Variants in ANKRD36C observed in about 807,000 individuals in gnomAD.
The protein encoded by ANKRD36C is ankyrin repeat domain-containing protein 36C.
A neutral mutation model predicts 276.4 loss-of-function variants in ANKRD36C; 61 were observed. The observed-to-expected ratio is 0.22, with a 90% confidence interval of 0.18 to 0.27. The LOEUF (loss-of-function observed/expected upper bound fraction) is 0.27. Ranked by LOEUF, ANKRD36C falls within the 10% of genes least tolerant of loss-of-function variation. The pLI, the probability that ANKRD36C is intolerant of heterozygous loss-of-function variation, is 1.00. For synonymous variants in ANKRD36C, 483 were observed against 680.1 expected (o/e 0.71, Z 4.51); for missense variants, 1,447 against 2,032.3 (o/e 0.71, Z 5.54).
intron 60 of ANKRD36C, among the ~76,000 whole-genome samples, chr2:95,863,688 T>C (rs1192142734): frequency 1.3e-5 from 2 of 151,952 alleles, no homozygotes; most frequent in East Asian, 1.9e-4. Context: ...TTCATGAAAA[T>C]ATGTGAAGGA....
At chr2:95,893,496 G>A (rs1412255405) in intron 44 of ANKRD36C, 37 bp downstream of exon 64, 12 of 1,535,094 alleles carry the variant, frequency 7.8e-6, no homozygotes, top group East Asian at 2.5e-5. Context: ...TTATCTATCT[G>A]GACTGAACAT....
At chr2:95,956,639 A>T in intron 13 of ANKRD36C, 147 bp downstream of exon 13, 1 of 915,256 alleles carries the variant, frequency 1.1e-6, no homozygotes, top group Non-Finnish European at 1.5e-6. Context: ...AATAGTTTGT[A>T]AAGCTGTGTG....
intron 44 of ANKRD36C, among the ~76,000 whole-genome samples, chr2:95,892,658 A>G (rs1381117394): frequency 6.6e-6 from 1 of 151,496 alleles, no homozygotes; most frequent in Non-Finnish European, 1.5e-5. Flanking sequence ...TTCACTATAA[A>G]TGACCATTTT....
rs367782708 is a variant in ANKRD36C, at chr2:95,972,450, C to T, written c.799+5672G>A. Among the ~76,000 whole-genome samples the T allele has an allele frequency of 9.0e-3, 1,366 of 152,316 alleles. 17 individuals carry two copies. Among genetic ancestry groups the T allele is most frequent in the Admixed American group, 0.022 (329 of 15,296 alleles). On this transcript the variant is annotated intron_variant, in intron 6 of 66. Transcript: ENST00000456556. ...ATCCTGGTAACTCCACAGGAGAGGG[C>T]TCCCGGAAGCTTGTGCCTGGCTTCC...
At chr2:95,923,777 T>C (rs1296801242) in intron 30 of ANKRD36C, 88 bp from the exon 31 acceptor site, 3 of 1,557,590 alleles carry the variant, frequency 1.9e-6, no homozygotes, top group Non-Finnish European at 2.6e-6. Flanking sequence ...TCAAGCTGTA[T>C]GCTCCTGCCT....
At chr2:95,961,589 G>C (rs921293328) in intron 8 of ANKRD36C, among the ~76,000 whole-genome samples, 2 of 152,016 alleles carry the variant, frequency 1.3e-5, no homozygotes, top group African/African-American at 4.8e-5. Flanking sequence ...TTATCCAAAA[G>C]TTAGTTCCTT....
At chr2:95,874,178 CT>C (rs1675886023) in intron 59 of ANKRD36C, among the ~76,000 whole-genome samples, 1 of 152,152 alleles carries the variant, frequency 6.6e-6, no homozygotes, top group South Asian at 2.1e-4. Flanking sequence ...GAAAAAACTG[CT>C]TTAAAGTTCA....
chr2:95,939,468 G>C (rs1461950905), intron 20 of ANKRD36C, among the ~76,000 whole-genome samples: 10 of 151,178 alleles, frequency 6.6e-5, no homozygotes, highest in African/African-American at 2.5e-4. Flanking sequence ...CACTTTGGGA[G>C]GCCGAGGCGG....
chr2:95,923,414 C>T (rs1238000269), intron 32 of ANKRD36C, 81 bp downstream of exon 32: 9 of 1,523,842 alleles, frequency 5.9e-6, no homozygotes, highest in Non-Finnish European at 8.0e-6. Flanking sequence ...CTTTGATGAG[C>T]CCCCCGCTGA....
chr2:95,944,050 T>C (rs908945659), intron 19 of ANKRD36C, among the ~76,000 whole-genome samples: 2 of 152,176 alleles, frequency 1.3e-5, no homozygotes, highest in African/African-American at 4.8e-5. Flanking sequence ...TTTCTTCCAA[T>C]ACTTTATTAA....
chr2:95,966,268 C>A (rs1271709837), intron 6 of ANKRD36C, among the ~76,000 whole-genome samples: 1 of 152,140 alleles, frequency 6.6e-6, no homozygotes, highest in Non-Finnish European at 1.5e-5. Flanking sequence ...ATGGTACTGC[C>A]TAGGTTTTCA....
rs767594517 is a variant in ANKRD36C at position 95,859,854 on chromosome 2, G to T, written c.3896+7C>A. The stretch of plus-strand genomic sequence containing the variant: ...AGTTCAAACATTTATTTAAAACTAG[G>T]TCATACCTCAAACTACAGAGTTCTT... On this transcript the variant is annotated splice_region_variant and intron_variant, in intron 61 of 66. Coordinates refer to ENST00000456556, the Ensembl canonical transcript of ANKRD36C. 2 of 1,548,454 alleles carry T rather than the reference G, an allele frequency of 1.3e-6. No individual in the cohort carries two copies. The highest frequency in any genetic ancestry group is 1.4e-5 in the African/African-American group (1 of 72,994).
chr2:95,918,600 G>C (rs57472052), intron 34 of ANKRD36C, among the ~76,000 whole-genome samples: 46 of 151,744 alleles, frequency 3.0e-4, no homozygotes, highest in Admixed American at 3.0e-3. Context: ...ATACCTAGTA[G>C]ATAATATTCA....
At chr2:95,935,855 T>C (rs556693942) in intron 22 of ANKRD36C, among the ~76,000 whole-genome samples, 1 of 152,426 alleles carries the variant, frequency 6.6e-6, no homozygotes, top group South Asian at 2.1e-4. Flanking sequence ...GGTAGAACGC[T>C]ATGGTGTACC....
chr2:95,954,812 T>G (rs1245677930), intron 13 of ANKRD36C, among the ~76,000 whole-genome samples: 1 of 152,174 alleles, frequency 6.6e-6, no homozygotes, highest in Non-Finnish European at 1.5e-5. Flanking sequence ...CCCTCCTAAG[T>G]ACTTATAGCT....
At chr2:95,970,551 T>C (rs972565851) in intron 6 of ANKRD36C, among the ~76,000 whole-genome samples, 5 of 152,154 alleles carry the variant, frequency 3.3e-5, no homozygotes, top group African/African-American at 1.2e-4. Context: ...GTTGTCTCCC[T>C]ACCTAGTGGG....
chr2:95,872,430 G>A (rs1258839839), intron 59 of ANKRD36C, among the ~76,000 whole-genome samples: 5 of 151,304 alleles, frequency 3.3e-5, no homozygotes, highest in African/African-American at 4.8e-5. Context: ...GGTACATAAC[G>A]AAATGAAGGC....
intron 6 of ANKRD36C, among the ~76,000 whole-genome samples, chr2:95,973,278 G>T (rs556970077): frequency 6.6e-6 from 1 of 152,112 alleles, no homozygotes; most frequent in East Asian, 1.9e-4. Context: ...TGGGCGTGGT[G>T]GTGCATGCCT....
At chr2:95,915,856 A>G (rs1270343096) in intron 38 of ANKRD36C, 124 bp downstream of exon 40, 2 of 1,329,654 alleles carry the variant, frequency 1.5e-6, no homozygotes, top group Non-Finnish European at 2.1e-6. Context: ...CTTATTAGAA[A>G]TGAAGAATCT....
Sources: gnomAD v4.1 joint callset for allele counts (sites outside exome capture counted in the v4.1 genomes callset) on GRCh38, gnomAD v4.1.1 for gene constraint, MANE v1.5 for transcripts, NCBI Gene and HGNC (gene_info 2026-07-23, HGNC 2026-07-21) for gene names.